PPP4R3B: variants seen among roughly 807,000 people sequenced by gnomAD.
PPP4R3B encodes serine/threonine-protein phosphatase 4 regulatory subunit 3B.
PPP4R3B carries 52 observed loss-of-function variants against 95.4 expected under a neutral mutation model. The observed-to-expected ratio is 0.54, with a 90% CI of 0.44 to 0.69. The LOEUF (loss-of-function observed/expected upper bound fraction) is 0.69. PPP4R3B is among the 30% of genes least tolerant of loss of function. The pLI is 0.00. For synonymous variants in PPP4R3B, 407 were observed against 343.9 expected (o/e 1.18, Z -2.03); for missense variants, 1,003 against 1,005.9 (o/e 1.00, Z 0.04).
intron 6 of PPP4R3B, among the ~76,000 whole-genome samples, chr2:55,585,687 A>T (rs1690043387): frequency 6.6e-6 from 1 of 152,132 alleles, no homozygotes; most frequent in Non-Finnish European, 1.5e-5. Flanking sequence ...TAAGATGGTA[A>T]TCCTAGATAC....
At chr2:55,615,857 C>CAAAAAAA (rs58981030) in intron 1 of PPP4R3B, among the ~76,000 whole-genome samples, 1 of 39,062 alleles carries the variant, frequency 2.6e-5, no homozygotes, top group Non-Finnish European at 3.7e-5. Flanking sequence ...ACTCTGTCTC[C>CAAAAAAA]AAAAAAAAAA....
intron 2 of PPP4R3B, 27 bp from the exon 3 acceptor site, chr2:55,604,103 C>T: frequency 6.5e-7 from 1 of 1,537,972 alleles, no homozygotes; most frequent in South Asian, 1.2e-5. Context: ...ATTTCCATAT[C>T]ATCACACTAG....
intron 11 of PPP4R3B, among the ~76,000 whole-genome samples, chr2:55,574,094 T>G (rs905093905): frequency 6.6e-6 from 1 of 151,654 alleles, no homozygotes; most frequent in East Asian, 1.9e-4. Flanking sequence ...GGCCTCACTA[T>G]GTTGTCTGGA....
chr2:55,608,978 C>T (rs1001230031), intron 2 of PPP4R3B, among the ~76,000 whole-genome samples: 4 of 152,102 alleles, frequency 2.6e-5, no homozygotes, highest in African/African-American at 9.7e-5. Context: ...ATCTCAAAAC[C>T]ACCGCCCTGC....
intron 12 of PPP4R3B, among the ~76,000 whole-genome samples, chr2:55,571,618 G>A (rs904446423): frequency 6.6e-6 from 1 of 151,210 alleles, no homozygotes; most frequent in Admixed American, 6.6e-5. Flanking sequence ...ATAAACACAG[G>A]TTTTTTGTTT....
chr2:55,606,410 T>G (rs369086900), intron 2 of PPP4R3B, among the ~76,000 whole-genome samples: 1 of 152,070 alleles, frequency 6.6e-6, no homozygotes, highest in Admixed American at 6.5e-5. Context: ...TTTGGTAGAA[T>G]GCAATGGCTC....
chr2:55,560,456 G>A (rs1686438647), intron 15 of PPP4R3B, among the ~76,000 whole-genome samples: 1 of 152,114 alleles, frequency 6.6e-6, no homozygotes, highest in Admixed American at 6.6e-5. Flanking sequence ...ATATCTGGTG[G>A]AAGAAATTTC....
intron 10 of PPP4R3B, among the ~76,000 whole-genome samples, chr2:55,577,867 G>A (rs1423931544): frequency 1.3e-5 from 2 of 151,478 alleles, no homozygotes; most frequent in Non-Finnish European, 2.9e-5. Flanking sequence ...CAATTTCTAG[G>A]AATACATTCT....
chr2:55,605,451 A>T (rs1693244423), intron 2 of PPP4R3B, among the ~76,000 whole-genome samples: 1 of 152,210 alleles, frequency 6.6e-6, no homozygotes, highest in Non-Finnish European at 1.5e-5. Context: ...GAAAAATATT[A>T]TTTAATTAAT....
intron 16 of PPP4R3B, among the ~76,000 whole-genome samples, chr2:55,554,273 C>T (rs1030387051): frequency 5.9e-5 from 9 of 152,164 alleles, no homozygotes; most frequent in Middle Eastern, 3.2e-3. Flanking sequence ...AGGCTGGTCT[C>T]GAGCTCCTGG....
rs1311085300 is a variant in PPP4R3B at position 55,558,822 on chromosome 2, A to T, written c.2407T>A (p.Ser803Thr). The part of the protein sequence containing the change: ...AQIPPATSNG[S>T]SSKTTNLPTS... ...GGCAAGTTTGTGGTTTTGGAAGAGG[A>T]TCCATTAGAAGTTGCTGGTGGTATC... is the stretch of plus-strand genomic sequence containing the variant. The change falls in exon 16 of 17, where the codon TCC (serine) becomes ACC (threonine). Residue 803 changes from serine (S) to threonine (T), a missense_variant. Around this residue, in one of 3 missense-constraint regions of PPP4R3B, gnomAD observed 229 missense variants for 194.7 expected, o/e 1.18. Transcript: ENST00000616407. 4 of 1,612,828 alleles carry T rather than the reference A, an allele frequency of 2.5e-6. No individual in the cohort carries two copies. Among genetic ancestry groups the T allele is most frequent in the Middle Eastern group, 1.6e-4 (1 of 6,078 alleles).
chr2:55,601,433 T>A (rs1032170577), intron 3 of PPP4R3B, among the ~76,000 whole-genome samples: 1 of 151,016 alleles, frequency 6.6e-6, no homozygotes, highest in African/African-American at 2.4e-5. Flanking sequence ...CAGGCTGGAG[T>A]GCAATGGCGC....
At chr2:55,603,314 G>T (rs980203318) in intron 3 of PPP4R3B, among the ~76,000 whole-genome samples, 3 of 152,140 alleles carry the variant, frequency 2.0e-5, no homozygotes, top group African/African-American at 7.2e-5. Context: ...TATAGGGGTG[G>T]GGTAGTAGGA....
intron 3 of PPP4R3B, among the ~76,000 whole-genome samples, chr2:55,600,334 C>T (rs1408691253): frequency 1.4e-5 from 2 of 141,036 alleles, no homozygotes; most frequent in African/African-American, 2.7e-5. Context: ...GCTGAGGCAG[C>T]AGAACTGCTT....
chr2:55,565,539 C>G (rs1687181431), intron 13 of PPP4R3B, among the ~76,000 whole-genome samples: 2 of 151,972 alleles, frequency 1.3e-5, no homozygotes, highest in African/African-American at 4.8e-5. Context: ...ATGGATACCC[C>G]AAATACCCGG....
In PPP4R3B at chr2:55,569,175, C is replaced by A. The variant is rs56364936; in HGVS notation, c.1766-812G>T. On this transcript the variant is annotated intron_variant, in intron 12 of 16. Coordinates refer to ENST00000616407, the MANE Select transcript of PPP4R3B (RefSeq NM_001122964.3). ...ACATACTGAGAAGTGACCAAAAGACCGGACAGGGCCACCAGAGGGCTCCTT... is the reference window on the plus strand; with the variant it reads ...ACATACTGAGAAGTGACCAAAAGACAGGACAGGGCCACCAGAGGGCTCCTT... Among the ~76,000 whole-genome samples the A allele has an allele frequency of 1.6e-3, 245 of 152,234 alleles. 2 individuals are homozygous for A. The Middle Eastern group carries it at 0.024, about 15-fold the overall frequency.
intron 3 of PPP4R3B, among the ~76,000 whole-genome samples, chr2:55,599,319 T>G (rs989694200): frequency 6.6e-6 from 1 of 152,140 alleles, no homozygotes; most frequent in African/African-American, 2.4e-5. Context: ...ACGCCTGTAA[T>G]CTCAGCTACT....
At position 55,550,075 on chromosome 2, in the gene PPP4R3B, A is replaced by G. The variant is rs1236018847; in HGVS notation, c.2455-69T>C. The G allele has an allele frequency of 1.5e-5, 14 of 949,252 alleles. 1 individual carries two copies. In the South Asian group the frequency reaches 1.9e-4, roughly 13 times the overall value. 58.8% of individuals were successfully genotyped at this position (949,252 alleles called of 1,614,324 possible). On this transcript the variant is annotated intron_variant, in intron 16 of 16. Coordinates refer to ENST00000616407, the MANE Select transcript of PPP4R3B (RefSeq NM_001122964.3). ...AAAAAGAGCTTTTAGTACAAATACA[A>G]TCACTTGTAAAAATATCAGAAATCG...
At chr2:55,575,372 C>T (rs1359738341) in intron 11 of PPP4R3B, among the ~76,000 whole-genome samples, 1 of 152,184 alleles carries the variant, frequency 6.6e-6, no homozygotes, top group Non-Finnish European at 1.5e-5. Flanking sequence ...TCCTGAACAT[C>T]AAATTTTAAT....
Sources: gnomAD v4.1 joint callset for allele counts (sites outside exome capture counted in the v4.1 genomes callset) on GRCh38, gnomAD v4.1.1 for gene constraint, gnomAD v4.1.1 regional missense constraint, MANE v1.5 for transcripts, NCBI Gene and HGNC (gene_info 2026-07-23, HGNC 2026-07-21) for gene names.